Variants in APAF1 observed in about 807,000 individuals in gnomAD.
The protein encoded by APAF1 is apoptotic peptidase activating factor 1.
A neutral mutation model predicts 152.4 loss-of-function variants in APAF1; 91 were observed. That is an observed-to-expected ratio of 0.60 (90% CI 0.50 to 0.71). APAF1 has a LOEUF of 0.71. Ranked by LOEUF, APAF1 falls within the 30% of genes least tolerant of loss-of-function variation. APAF1 has a pLI of 0.00. For missense variants in APAF1, 1,283 were observed against 1,472.0 expected (o/e 0.87, Z 2.10); for synonymous variants, 484 against 494.1 (o/e 0.98, Z 0.27).
chr12:98,648,925 A>T, intron 3 of APAF1, 110 bp downstream of exon 3: 1 of 1,071,340 alleles, frequency 9.3e-7, no homozygotes, highest in East Asian at 2.4e-5. Flanking sequence ...TGAAAACTGC[A>T]TGTTAAAAAA....
At chr12:98,689,384 C>T (rs1310220074) in intron 16 of APAF1, among the ~76,000 whole-genome samples, 1 of 151,632 alleles carries the variant, frequency 6.6e-6, no homozygotes, top group Non-Finnish European at 1.5e-5. Flanking sequence ...TTTCACTTGC[C>T]ATATTTTTTA....
chr12:98,692,450 G>C (rs1226857983), intron 16 of APAF1, among the ~76,000 whole-genome samples: 1 of 152,128 alleles, frequency 6.6e-6, no homozygotes, highest in African/African-American at 2.4e-5. Context: ...GTGCAGGTTT[G>C]TTATGTGAGT....
chr12:98,672,991 C>T (rs1346326918), intron 12 of APAF1, among the ~76,000 whole-genome samples: 3 of 151,780 alleles, frequency 2.0e-5, no homozygotes, highest in Non-Finnish European at 4.4e-5. Context: ...CTCCAGACCT[C>T]AGGTGATCCA....
At chr12:98,723,398 CTAAT>C (rs1237798721) in intron 23 of APAF1, 86 bp downstream of exon 23, 2 of 1,431,136 alleles carry the variant, frequency 1.4e-6, no homozygotes, top group Admixed American at 1.9e-5. Flanking sequence ...CACTGTGAGG[CTAAT>C]TACTTACTTA....
chr12:98,678,579 A>G (rs531525601), intron 13 of APAF1, among the ~76,000 whole-genome samples: 1 of 152,328 alleles, frequency 6.6e-6, no homozygotes, highest in African/African-American at 2.4e-5. Context: ...TCCACAGAGC[A>G]GGCAGGACCC....
chr12:98,703,345 A>T (rs1704192611), intron 17 of APAF1, 26 bp from the exon 18 acceptor site: 8 of 1,613,220 alleles, frequency 5.0e-6, no homozygotes, highest in Non-Finnish European at 6.8e-6. Flanking sequence ...TTTTACCTTC[A>T]TAGGTATCTC....
In APAF1 at chr12:98,733,832, T is replaced by TA; in HGVS notation, c.*1267dup. 2.6e-5 allele frequency: 4 copies of TA among 152,366 alleles called. No homozygotes were observed. In the East Asian group the frequency reaches 5.8e-4, roughly 22 times the overall value. 9.4% of individuals were successfully genotyped at this position (152,366 alleles called of 1,614,324 possible). ...TGTAGCTGCTGGCAGCCCTGTGCCA[T>TA]ATCTGGACTCTAGTTGTCAGTATCT... On this transcript the variant is annotated 3_prime_UTR_variant, in exon 27 of 27. Coordinates refer to ENST00000551964, the MANE Select transcript of APAF1 (RefSeq NM_181861.2).
chr12:98,723,976 C>G (rs972057011), intron 24 of APAF1, among the ~76,000 whole-genome samples: 1 of 152,192 alleles, frequency 6.6e-6, no homozygotes, highest in African/African-American at 2.4e-5. Flanking sequence ...TTATGGATTA[C>G]TTTTTGTCTA....
intron 4 of APAF1, among the ~76,000 whole-genome samples, chr12:98,653,691 AATATATATATATATATAT>A (rs1346621120): frequency 1.1e-3 from 16 of 15,102 alleles, no homozygotes; most frequent in East Asian, 4.7e-3. Flanking sequence ...AAAAAAAAAA[AATATATATATATATATAT>A]ATATATATAT....
intron 14 of APAF1, among the ~76,000 whole-genome samples, chr12:98,681,695 A>T (rs2097692391): frequency 6.6e-6 from 1 of 152,202 alleles, no homozygotes; most frequent in Non-Finnish European, 1.5e-5. Context: ...CCAACAGTTA[A>T]TTCACTCTGT....
At position 98,686,874 on chromosome 12, in the gene APAF1, G is replaced by C; in HGVS notation, c.2304+1G>C. ...TTGTTCAGCTGATGGAACCTTAAAG[G>C]TATGCTTTTGTACACTATTAAAATA... On this transcript the variant is annotated splice_donor_variant, in intron 16 of 26. Transcript: ENST00000551964. LOFTEE classifies it high-confidence loss of function. The C allele has an allele frequency of 6.2e-7, 1 of 1,613,610 alleles. No homozygotes were observed.
At position 98,677,505 on chromosome 12, in the gene APAF1, A is replaced by C. The variant is rs73142307; in HGVS notation, c.1874A>C (p.Glu625Ala). The change falls in exon 13 of 27, where the codon GAG (glutamate) becomes GCG (alanine). Residue 625 changes from glutamate (E) to alanine (A), a missense_variant. Glu to Ala is a moderately radical substitution (Grantham distance 107). Transcript: ENST00000551964. The part of the protein sequence containing the change: ...TDAVYHACFS[E>A]DGQRIASCGA... ...GCTGTTTACCATGCCTGCTTTTCTGAGGATGGTCAGAGAATAGCTTCTTGT... is the reference window on the plus strand; with the variant it reads ...GCTGTTTACCATGCCTGCTTTTCTGCGGATGGTCAGAGAATAGCTTCTTGT... 10,893 of 1,614,088 alleles carry C rather than the reference A, an allele frequency of 6.7e-3. 58 individuals carry two copies. Among genetic ancestry groups the C allele is most frequent in the Non-Finnish European group, 7.4e-3 (8,699 of 1,180,000 alleles).
rs1472965121 is a variant in APAF1, at chr12:98,671,642, A to C, written c.1716A>C (p.Glu572Asp). 5 of 1,614,052 alleles carry C rather than the reference A, an allele frequency of 3.1e-6. No homozygotes were observed. The highest frequency in any genetic ancestry group is 4.2e-6 in the Non-Finnish European group (5 of 1,180,014). The change falls in exon 12 of 27, where the codon GAA becomes GAC. Residue 572 changes from glutamate to aspartate, a missense_variant. Physicochemically the swap from Glu to Asp is conservative, Grantham distance 45. Coordinates refer to ENST00000551964, the MANE Select transcript of APAF1 (RefSeq NM_181861.2). ...TACAACTGGGTCTCTGTGAGCCGGA[A>C]ACTTCAGAAGTTTATCAGCAAGCTA... ...NIVQLGLCEP[E>D]TSEVYQQAKL...
At chr12:98,666,447 C>T (rs1225863589) in intron 9 of APAF1, 90 bp downstream of exon 9, 1 of 1,303,942 alleles carries the variant, frequency 7.7e-7, no homozygotes, top group Admixed American at 2.0e-5. Context: ...TAGATAGTTT[C>T]TGTGCATAAG....
intron 5 of APAF1, 109 bp downstream of exon 5, chr12:98,659,452 A>T: frequency 8.2e-7 from 1 of 1,222,100 alleles, no homozygotes; most frequent in Non-Finnish European, 1.2e-6. Flanking sequence ...TATAGGGAGG[A>T]TAAGAGAGAA....
At chr12:98,696,409 A>G (rs957760824) in intron 16 of APAF1, among the ~76,000 whole-genome samples, 10 of 152,222 alleles carry the variant, frequency 6.6e-5, no homozygotes, top group African/African-American at 2.4e-4. Flanking sequence ...GTGGGAAGGC[A>G]TTAGAAGGCA....
At chr12:98,726,383 T>C (rs2097750643) in intron 25 of APAF1, 1 of 152,488 alleles carries the variant, frequency 6.6e-6, no homozygotes, top group African/African-American at 2.4e-5. Flanking sequence ...ATGACTACTT[T>C]GGTAACCAGT....
At position 98,648,306 on chromosome 12, in the gene APAF1, G is replaced by A; in HGVS notation, c.-41-13G>A. On this transcript the variant is annotated splice_polypyrimidine_tract_variant and intron_variant, in intron 1 of 26. Coordinates refer to ENST00000551964, the MANE Select transcript of APAF1 (RefSeq NM_181861.2). Reference sequence around the variant, plus strand: ...TTATTGGCCTGACAAATATTTTGGTGTTTTGGCTGTAGCTCATGGTTGACA... The same window carrying A: ...TTATTGGCCTGACAAATATTTTGGTATTTTGGCTGTAGCTCATGGTTGACA... 2 of 1,606,024 alleles carry A rather than the reference G, an allele frequency of 1.2e-6. No homozygotes were observed. Among genetic ancestry groups the A allele is most frequent in the Admixed American group, 1.7e-5 (1 of 59,952 alleles).
At chr12:98,680,162 G>C (rs534785882) in intron 13 of APAF1, 115 bp from the exon 14 acceptor site, 6 of 1,091,764 alleles carry the variant, frequency 5.5e-6, no homozygotes, top group African/African-American at 4.8e-5. Context: ...CTTTGCCAAG[G>C]TTCCTTTCTG....
Sources: gnomAD v4.1 joint callset for allele counts (sites outside exome capture counted in the v4.1 genomes callset) on GRCh38, gnomAD v4.1.1 for gene constraint, MANE v1.5 for transcripts, NCBI Gene and HGNC (gene_info 2026-07-23, HGNC 2026-07-21) for gene names.